Variants in FCER1A observed in about 807,000 individuals in gnomAD.
FCER1A encodes the protein high affinity immunoglobulin epsilon receptor subunit alpha.
FCER1A carries 24 observed loss-of-function variants against 23.6 expected under a neutral mutation model. The observed-to-expected ratio is 1.02, with a 90% CI of 0.74 to 1.43. FCER1A has a LOEUF of 1.43. FCER1A is among the 40% of genes most tolerant of loss of function. FCER1A has a pLI of 0.00. For synonymous variants in FCER1A, 121 were observed against 108.8 expected (o/e 1.11, Z -0.70); for missense variants, 318 against 294.5 (o/e 1.08, Z -0.58).
At chr1:159,305,907 C>G (rs1311747802) in intron 3 of FCER1A, 81 bp from the exon 4 acceptor site, 4 of 1,244,052 alleles carry the variant, frequency 3.2e-6, no homozygotes, top group Admixed American at 2.1e-5. Context: ...GACACATGCT[C>G]TATGCGTGGC....
upstream of FCER1A, among the ~76,000 whole-genome samples, chr1:159,302,074 T>C (rs1652445152): frequency 6.6e-6 from 1 of 152,228 alleles, no homozygotes; most frequent in Admixed American, 6.5e-5. Flanking sequence ...GTACACAGAT[T>C]GACAGATTAA....
At chr1:159,286,411 C>A (rs535369746), upstream of FCER1A, among the ~76,000 whole-genome samples, 17 of 151,778 alleles carry the variant, frequency 1.1e-4, no homozygotes, top group South Asian at 3.5e-3. Flanking sequence ...CGGCTCACTG[C>A]AAGCTCCGCC....
At position 159,307,969 on chromosome 1, in the gene FCER1A, T is replaced by A. The variant is rs556615494; in HGVS notation, c.*37T>A. The A allele has an allele frequency of 6.6e-6, 10 of 1,510,042 alleles. No individual in the cohort carries two copies. In the East Asian group the frequency reaches 2.1e-4, roughly 31 times the overall value. 93.5% of individuals were successfully genotyped at this position (1,510,042 alleles called of 1,614,324 possible). A position where few individuals can be genotyped will look rare whatever the true frequency, so the allele number is the denominator to read the frequency against. The stretch of plus-strand genomic sequence containing the variant: ...AAGAAATATTTGCAACATTAGTTTT[T>A]TTCCAGCATCAGCAATTGCTACTCA... On this transcript the variant is annotated 3_prime_UTR_variant, in exon 5 of 5. Transcript: ENST00000693622.
chr1:159,293,724 C>T (rs1460041045), intron 1 of FCER1A, among the ~76,000 whole-genome samples: 1 of 151,968 alleles, frequency 6.6e-6, no homozygotes. Flanking sequence ...GACATGAACT[C>T]ATCACTTTTT....
intron 1 of FCER1A, among the ~76,000 whole-genome samples, chr1:159,295,595 C>G (rs1487766123): frequency 1.3e-5 from 2 of 152,138 alleles, no homozygotes; most frequent in Non-Finnish European, 2.9e-5. Context: ...AATATTCGGT[C>G]TAATAGTCTA....
upstream of FCER1A, chr1:159,289,577 A>G (rs1652096281): frequency 3.9e-5 from 6 of 152,174 alleles, no homozygotes; most frequent in Admixed American, 3.9e-4. Context: ...GACTTCTTAG[A>G]CTAATTCCAT....
In FCER1A at chr1:159,307,980, A is replaced by C. The variant is rs1471504793; in HGVS notation, c.*48A>C. 1 of 1,390,730 alleles carries C rather than the reference A, an allele frequency of 7.2e-7. No individual in the cohort carries two copies. The highest frequency in any genetic ancestry group is 2.4e-5 in the East Asian group (1 of 42,400). The allele number at this position is 1,390,730 out of a possible 1,614,324, so 86.1% of individuals were successfully genotyped here. On this transcript the variant is annotated 3_prime_UTR_variant, in exon 5 of 5. Coordinates refer to ENST00000693622, the MANE Select transcript of FCER1A (RefSeq NM_001387280.1). ...GCAACATTAGTTTTTTTCCAGCATC[A>C]GCAATTGCTACTCAATTGTCAAACA...
At chr1:159,307,563 A>G (rs891554376) in intron 4 of FCER1A, among the ~76,000 whole-genome samples, 185 bp from the exon 5 acceptor site, 1 of 152,172 alleles carries the variant, frequency 6.6e-6, no homozygotes, top group African/African-American at 2.4e-5. Context: ...GGCTCCAGGG[A>G]GCACCAACAG....
intron 3 of FCER1A, among the ~76,000 whole-genome samples, chr1:159,305,618 A>G (rs1218601579): frequency 6.6e-6 from 1 of 152,224 alleles, no homozygotes; most frequent in Admixed American, 6.5e-5. Flanking sequence ...AGAGAGGACA[A>G]AATAGACACT....
At chr1:159,291,785 T>G (rs1652159381) in intron 1 of FCER1A, among the ~76,000 whole-genome samples, 1 of 152,180 alleles carries the variant, frequency 6.6e-6, no homozygotes. Flanking sequence ...ATGTTGCCTA[T>G]GCTTCCTCAA....
At chr1:159,303,855 C>A in intron 2 of FCER1A, 73 bp from the exon 3 acceptor site, 1 of 1,207,942 alleles carries the variant, frequency 8.3e-7, no homozygotes, top group Non-Finnish European at 1.2e-6. Flanking sequence ...TTCGTTTGTA[C>A]TTTTAAGCCT....
upstream of FCER1A, among the ~76,000 whole-genome samples, chr1:159,301,451 T>C (rs900424245): frequency 6.6e-6 from 1 of 152,158 alleles, no homozygotes; most frequent in South Asian, 2.1e-4. Flanking sequence ...GAAATTATAA[T>C]ATTAAAAGTA....
upstream of FCER1A, among the ~76,000 whole-genome samples, chr1:159,286,413 A>G (rs184346923): frequency 3.1e-3 from 469 of 151,596 alleles, 4 homozygotes; most frequent in African/African-American, 0.011. Context: ...GCTCACTGCA[A>G]GCTCCGCCTC....
rs187758183 is a variant in FCER1A at position 159,305,261 on chromosome 1, C to G, written c.332-727C>G. On this transcript the variant is annotated intron_variant, in intron 3 of 4. Transcript: ENST00000693622. ...AAATTAATTATGCTTATTATGCTAGCGATATTTCCTTTCAAAATTCTCCTT... is the reference window on the plus strand; with the variant it reads ...AAATTAATTATGCTTATTATGCTAGGGATATTTCCTTTCAAAATTCTCCTT... 3.2e-4 allele frequency among the ~76,000 whole-genome samples: 48 copies of G among 152,264 alleles called. 1 individual carries two copies. In the East Asian group the frequency reaches 8.5e-3, roughly 27 times the overall value.
intron 1 of FCER1A, among the ~76,000 whole-genome samples, chr1:159,293,716 C>A (rs1316595134): frequency 1.3e-5 from 2 of 151,940 alleles, no homozygotes; most frequent in African/African-American, 4.8e-5. Flanking sequence ...CTACAAAGGA[C>A]ATGAACTCAT....
chr1:159,296,861 T>C (rs1296537699), intron 1 of FCER1A, among the ~76,000 whole-genome samples: 1 of 152,112 alleles, frequency 6.6e-6, no homozygotes, highest in Non-Finnish European at 1.5e-5. Flanking sequence ...ATGAGAAAGT[T>C]TCAGAATGCG....
At chr1:159,307,437 T>C (rs1044284828) in intron 4 of FCER1A, among the ~76,000 whole-genome samples, 4 of 152,220 alleles carry the variant, frequency 2.6e-5, no homozygotes, top group African/African-American at 9.6e-5. Flanking sequence ...CCCTTAATTA[T>C]ATGTGAATTC....
chr1:159,307,651 A>C, intron 4 of FCER1A, 97 bp from the exon 5 acceptor site: 1 of 870,554 alleles, frequency 1.1e-6, no homozygotes, highest in Non-Finnish European at 1.8e-6. Context: ...TGAAGGACAA[A>C]GCTTGGTCTT....
intron 2 of FCER1A, 72 bp downstream of exon 2, chr1:159,302,946 C>A: frequency 7.3e-7 from 1 of 1,377,132 alleles, no homozygotes; most frequent in Non-Finnish European, 1.0e-6. Context: ...CTATTTTCTT[C>A]GTCCCATCAC....
Sources: allele counts gnomAD v4.1 joint callset (sites outside exome capture counted in the v4.1 genomes callset), GRCh38; gene constraint gnomAD v4.1.1; transcripts MANE v1.5; gene names NCBI Gene and HGNC (gene_info 2026-07-23, HGNC 2026-07-21).